Variants in ABCC9 observed in about 807,000 individuals in gnomAD.
The protein encoded by ABCC9 is ATP-binding cassette sub-family C member 9.
Under a neutral mutation model 188.3 loss-of-function variants are expected in ABCC9, and 95 were observed. That is an observed-to-expected ratio of 0.50 (90% CI 0.43 to 0.60). The LOEUF is 0.60. Among genes scored for constraint, ABCC9 ranks in the 20% least tolerant of loss-of-function variants. ABCC9 has a pLI of 0.00. For synonymous variants in ABCC9, 659 were observed against 652.7 expected (o/e 1.01, Z -0.15); for missense variants, 1,102 against 1,876.3 (o/e 0.59, Z 7.62).
intron 30 of ABCC9, among the ~76,000 whole-genome samples, chr12:21,832,244 G>GCT (rs1214779469): frequency 2.6e-5 from 4 of 152,172 alleles, no homozygotes; most frequent in African/African-American, 9.7e-5. Context: ...TAAACTACTT[G>GCT]AGGGAGTTCA....
rs535874368 is a variant in ABCC9 at position 21,820,504 on chromosome 12, C to CTA, written c.3670-2255_3670-2254dup. 4.0e-3 allele frequency among the ~76,000 whole-genome samples: 597 copies of CTA among 150,426 alleles called. 4 individuals carry two copies. Among genetic ancestry groups the CTA allele is most frequent in the Admixed American group, 0.023 (353 of 15,022 alleles). On this transcript the variant is annotated intron_variant, in intron 31 of 39. Transcript: ENST00000261200. The stretch of plus-strand genomic sequence containing the variant: ...GGTGACAAAGCCTTATATATATAGC[C>CTA]TATATATATATATAAAACCTTATAT...
intron 17 of ABCC9, among the ~76,000 whole-genome samples, chr12:21,873,594 C>A (rs1359954040): frequency 6.6e-6 from 1 of 151,928 alleles, no homozygotes; most frequent in Non-Finnish European, 1.5e-5. Flanking sequence ...AAGAGTAGAC[C>A]CCAAATACCC....
intron 35 of ABCC9, 112 bp from the exon 36 acceptor site, chr12:21,812,269 A>T: frequency 1.3e-6 from 1 of 785,864 alleles, no homozygotes; most frequent in Non-Finnish European, 2.2e-6. Context: ...CAGGAGACCC[A>T]CTTTTCCATT....
At chr12:21,842,229 T>C (rs1944427009) in intron 29 of ABCC9, 85 bp downstream of exon 29, 1 of 1,474,388 alleles carries the variant, frequency 6.8e-7, no homozygotes, top group Non-Finnish European at 9.3e-7. Flanking sequence ...CAAATATTTT[T>C]GATCTGTTGT....
At chr12:21,834,348 T>C (rs928534888) in intron 30 of ABCC9, among the ~76,000 whole-genome samples, 2 of 152,176 alleles carry the variant, frequency 1.3e-5, no homozygotes, top group African/African-American at 2.4e-5. Flanking sequence ...TTGGCACTTA[T>C]ATGTCATTGA....
intron 2 of ABCC9, 66 bp from the exon 3 acceptor site, chr12:21,936,760 A>G: frequency 8.0e-7 from 1 of 1,252,152 alleles, no homozygotes; most frequent in Non-Finnish European, 1.1e-6. Flanking sequence ...TAAAATTATT[A>G]AAGCCTTGAA....
Position 21,933,773 on chromosome 12 carries a change from A to G in ABCC9, c.284+9T>C, listed in dbSNP as rs949626272. 1.2e-6 allele frequency: 2 copies of G among 1,613,242 alleles called. No homozygotes were observed. The highest frequency in any genetic ancestry group is 2.7e-5 in the African/African-American group (2 of 74,884). On this transcript the variant is annotated intron_variant, in intron 4 of 39. Transcript: ENST00000261200. Reference sequence around the variant, plus strand: ...ACTGCAGTGGTATTATTTAACTTAGATCACTTACGAGTCTGAAACAATGCC... The same window carrying G: ...ACTGCAGTGGTATTATTTAACTTAGGTCACTTACGAGTCTGAAACAATGCC...
At chr12:21,900,285 C>T (rs983879252) in intron 12 of ABCC9, among the ~76,000 whole-genome samples, 4 of 152,112 alleles carry the variant, frequency 2.6e-5, no homozygotes, top group Non-Finnish European at 5.9e-5. Context: ...ACAGAAAGGA[C>T]ATCCACACCA....
rs889956054 is a variant in ABCC9, at chr12:21,800,663, A to G, written c.*381T>C. The G allele has an allele frequency of 4.8e-6, 1 of 210,344 alleles. No individual in the cohort carries two copies. Among genetic ancestry groups the G allele is most frequent in the Non-Finnish European group, 9.6e-6 (1 of 103,632 alleles). 13.0% of individuals were successfully genotyped at this position (210,344 alleles called of 1,614,324 possible). A position where few individuals can be genotyped will look rare whatever the true frequency, so the allele number is the denominator to read the frequency against. On this transcript the variant is annotated 3_prime_UTR_variant, in exon 40 of 40. Coordinates refer to ENST00000261200, the MANE Select transcript of ABCC9 (RefSeq NM_020297.4). ...ACCTCTGGAGACTCCAACAATAAGG[A>G]AAATATATTCTTACAAACAAGAGTA...
At chr12:21,839,284 A>G (rs1944259242) in intron 29 of ABCC9, among the ~76,000 whole-genome samples, 1 of 152,220 alleles carries the variant, frequency 6.6e-6, no homozygotes, top group African/African-American at 2.4e-5. Context: ...AGGGTAAACA[A>G]GAGTCACATA....
Position 21,915,889 on chromosome 12 carries a change from G to T in ABCC9, c.595C>A (p.Pro199Thr), listed in dbSNP as rs1246348470. Residue 199 changes from proline (P) to threonine (T), a missense_variant, in exon 7 of 40, where the codon CCT becomes ACT. By Grantham distance (38) the Pro-to-Thr change is conservative. Transcript: ENST00000261200. ...TCTTCAGGAGGCTTTACTTTCTGAG[G>T]ATTCATGAAAAATACATATCTCTGT... ...RVRRYVFFMN[P>T]QKVKPPEDLQ... The T allele has an allele frequency of 1.9e-6, 3 of 1,612,598 alleles. No individual in the cohort carries two copies. The highest frequency in any genetic ancestry group is 2.5e-6 in the Non-Finnish European group (3 of 1,179,210).
At chr12:21,809,140 A>G (rs1249618972) in intron 37 of ABCC9, among the ~76,000 whole-genome samples, 1 of 152,074 alleles carries the variant, frequency 6.6e-6, no homozygotes, top group Admixed American at 6.6e-5. Flanking sequence ...TAAGATGTTA[A>G]GGAAGCAAAG....
chr12:21,811,937 A>T, intron 36 of ABCC9, 112 bp downstream of exon 36: 1 of 761,008 alleles, frequency 1.3e-6, no homozygotes, highest in Non-Finnish European at 2.3e-6. Flanking sequence ...ATTTGATTTT[A>T]TTGCCTTGAT....
chr12:21,841,115 C>T (rs1455484010), intron 29 of ABCC9, among the ~76,000 whole-genome samples: 1 of 152,180 alleles, frequency 6.6e-6, no homozygotes, highest in Non-Finnish European at 1.5e-5. Flanking sequence ...TGTGGCTTAA[C>T]ACAGCTATTT....
intron 22 of ABCC9, among the ~76,000 whole-genome samples, chr12:21,858,208 C>T (rs955594170): frequency 5.9e-5 from 9 of 152,186 alleles, no homozygotes; most frequent in African/African-American, 2.2e-4. Context: ...AAGGCAGTTC[C>T]TCAGGTTCAG....
chr12:21,935,097 C>T (rs1432541312), intron 3 of ABCC9, among the ~76,000 whole-genome samples: 1 of 152,006 alleles, frequency 6.6e-6, no homozygotes, highest in Non-Finnish European at 1.5e-5. Flanking sequence ...CCCTCAAATT[C>T]TCTTCTATTC....
At position 21,933,851 on chromosome 12, in the gene ABCC9, C is replaced by T. The variant is rs369409311; in HGVS notation, c.215G>A (p.Arg72Lys). ...CAGGAGAGCGAATGTAAGAATCCAT[C>T]TCAGGTTATGTCCCGGAAAATGAAG... ...TWLHFPGHNL[R>K]WILTFALLFV... The change falls in exon 4 of 40, where the codon AGA becomes AAA. Residue 72 changes from arginine to lysine, a missense_variant. Transcript: ENST00000261200. The T allele has an allele frequency of 8.7e-6, 14 of 1,613,574 alleles. No individual in the cohort carries two copies. The African/African-American group carries it at 1.9e-4, about 22-fold the overall frequency.
intron 5 of ABCC9, among the ~76,000 whole-genome samples, chr12:21,917,658 A>G (rs943455284): frequency 7.9e-5 from 12 of 152,192 alleles, no homozygotes; most frequent in African/African-American, 2.9e-4. Flanking sequence ...GCACTTTCAC[A>G]TAGCACAAAG....
rs1297378484 is a variant in ABCC9 at position 21,815,785 on chromosome 12, G to C, written c.4001C>G (p.Ala1334Gly). ...NLKPVLKHVK[A>G]YIKPGQKVGI... ...TACCTTTTGTCCAGGTTTGATGTAA[G>C]CCTTGACGTGCTTAAGAACAGGTTT... The change falls in exon 34 of 40, where the codon GCT becomes GGT. Residue 1334 changes from alanine to glycine, a missense_variant. Transcript: ENST00000261200. The C allele has an allele frequency of 6.2e-7, 1 of 1,613,038 alleles. No homozygotes were observed. The highest frequency in any genetic ancestry group is 1.3e-5 in the African/African-American group (1 of 74,830).
Sources: gnomAD v4.1 joint callset for allele counts (sites outside exome capture counted in the v4.1 genomes callset) on GRCh38, gnomAD v4.1.1 for gene constraint, MANE v1.5 for transcripts, NCBI Gene and HGNC (gene_info 2026-07-23, HGNC 2026-07-21) for gene names.